Variants in IL31RA observed in about 807,000 individuals in gnomAD.
IL31RA encodes the protein interleukin-31 receptor subunit alpha.
In IL31RA, 66 loss-of-function variants were observed where a neutral mutation model predicts 83.7. The observed-to-expected ratio is 0.79, with a 90% CI of 0.65 to 0.97. The LOEUF (loss-of-function observed/expected upper bound fraction) is 0.97. IL31RA is among the 50% of genes least tolerant of loss of function. IL31RA has a pLI of 0.00. For synonymous variants in IL31RA, 325 were observed against 329.0 expected (o/e 0.99, Z 0.13); for missense variants, 798 against 919.4 (o/e 0.87, Z 1.71).
intron 1 of IL31RA, among the ~76,000 whole-genome samples, chr5:55,857,568 C>T (rs1019237027): frequency 1.4e-4 from 21 of 152,112 alleles, no homozygotes; most frequent in Non-Finnish European, 2.8e-4. Context: ...ATGCTCTTTG[C>T]GCTCATTTCA....
At chr5:55,880,653 C>A (rs1443299801) in intron 4 of IL31RA, among the ~76,000 whole-genome samples, 1 of 152,098 alleles carries the variant, frequency 6.6e-6, no homozygotes, top group Non-Finnish European at 1.5e-5. Context: ...CATGGTCATG[C>A]CCTTTTACCC....
chr5:55,848,515 G>A (rs573733511), upstream of IL31RA, among the ~76,000 whole-genome samples: 74 of 152,132 alleles, frequency 4.9e-4, no homozygotes, highest in Non-Finnish European at 9.0e-4. Context: ...GGCACATTTT[G>A]TATTTTCGTT....
At chr5:55,872,239 A>C (rs1397115224) in intron 3 of IL31RA, 31 bp from the exon 4 acceptor site, 3 of 1,522,846 alleles carry the variant, frequency 2.0e-6, no homozygotes, top group Non-Finnish European at 2.7e-6. Flanking sequence ...CATTGTACTA[A>C]ACTCATGTTG....
intron 4 of IL31RA, among the ~76,000 whole-genome samples, chr5:55,879,495 C>T (rs1365442269): frequency 3.3e-5 from 4 of 119,496 alleles, no homozygotes; most frequent in Non-Finnish European, 4.8e-5. Flanking sequence ...TGCTGTGGCG[C>T]GATCTTGGCT....
intron 2 of IL31RA, among the ~76,000 whole-genome samples, chr5:55,865,103 C>A (rs1471353495): frequency 1.3e-5 from 2 of 152,164 alleles, no homozygotes; most frequent in Non-Finnish European, 2.9e-5. Context: ...TTGCTGACCC[C>A]AAAAGTCCTC....
chr5:55,858,003 C>G (rs544820951), intron 1 of IL31RA, among the ~76,000 whole-genome samples: 2 of 151,972 alleles, frequency 1.3e-5, no homozygotes, highest in East Asian at 3.9e-4. Flanking sequence ...CCAGTTTTGT[C>G]TCTGGGATGA....
intron 1 of IL31RA, chr5:55,853,407 G>T (rs10940486): frequency 0.074 from 104,038 of 1,408,122 alleles, 6,894 homozygotes; most frequent in African/African-American, 0.35. Flanking sequence ...AGAAAAGCTC[G>T]CAGACAATCA....
chr5:55,869,838 C>T (rs902559247), intron 3 of IL31RA, among the ~76,000 whole-genome samples: 26 of 152,192 alleles, frequency 1.7e-4, no homozygotes, highest in African/African-American at 6.3e-4. Flanking sequence ...TAAGGGGGCC[C>T]ATGTTGGGAA....
chr5:55,878,812 G>C (rs192460572), intron 4 of IL31RA, among the ~76,000 whole-genome samples: 1 of 151,958 alleles, frequency 6.6e-6, no homozygotes, highest in East Asian at 1.9e-4. Context: ...CACCACACCT[G>C]GCTACTTTTT....
chr5:55,872,285 A>G lies in IL31RA; in HGVS notation c.288A>G (p.Lys96=). The G allele has an allele frequency of 1.2e-6, 2 of 1,613,140 alleles. No homozygotes were observed. The highest frequency in any genetic ancestry group is 1.7e-6 in the Non-Finnish European group (2 of 1,179,380). Residue 96 remains lysine, a synonymous_variant, in exon 4 of 15, where the codon AAA becomes AAG. Coordinates refer to ENST00000652347, the MANE Select transcript of IL31RA (RefSeq NM_139017.7). The part of the protein sequence containing the change: ...TVKRTYAFGE[K]HDNCTTNSST... Reference sequence around the variant, plus strand: ...TCTTTCAAAGCGCTTTTGGAGAAAAACATGATAATTGTACAACCAATAGTT... The same window carrying G: ...TCTTTCAAAGCGCTTTTGGAGAAAAGCATGATAATTGTACAACCAATAGTT...
intron 4 of IL31RA, among the ~76,000 whole-genome samples, chr5:55,873,942 T>C (rs985048390): frequency 6.6e-6 from 1 of 152,146 alleles, no homozygotes; most frequent in Non-Finnish European, 1.5e-5. Flanking sequence ...TTAGGTGTCA[T>C]ATCTAAGAAA....
chr5:55,910,925 A>T (rs1041536144), intron 12 of IL31RA, among the ~76,000 whole-genome samples: 10 of 152,174 alleles, frequency 6.6e-5, no homozygotes, highest in Non-Finnish European at 1.5e-4. Context: ...GCCACAAATC[A>T]TCTGGAGGAG....
At chr5:55,846,295 G>T in the IL31RA span, among the ~76,000 whole-genome samples, 1 of 152,168 alleles carries the variant, frequency 6.6e-6, no homozygotes, top group East Asian at 1.9e-4. Context: ...CCAGAACCTG[G>T]AAGTCCCAGC....
the IL31RA span, among the ~76,000 whole-genome samples, chr5:55,845,175 G>A: frequency 6.6e-6 from 1 of 152,084 alleles, no homozygotes; most frequent in Non-Finnish European, 1.5e-5. Context: ...ATAACATTTT[G>A]TTGAAAGGTG....
rs375190009 is a variant in IL31RA, at chr5:55,913,459, G to A, written c.1643-18G>A. The A allele has an allele frequency of 1.2e-5, 18 of 1,558,840 alleles. No individual in the cohort carries two copies. The African/African-American group carries it at 1.8e-4, about 15-fold the overall frequency. On this transcript the variant is annotated intron_variant, in intron 12 of 14. Transcript: ENST00000652347. ...GGTGAGGAACTCACTACTGACTTTT[G>A]TTCTTTGTTTTTCAAAGGTGTCTTT...
In IL31RA at chr5:55,899,988, A is replaced by G; in HGVS notation, c.925A>G (p.Asn309Asp). ...NIWYYPESNT[N>D]LTETMNTTNQ... is the part of the protein sequence containing the mutation. ...ATGGTACTATCCAGAAAGCAACACT[A>G]ACCTCACAGAAACAATGAACACTAC... The change falls in exon 8 of 15, where the codon AAC becomes GAC. Residue 309 changes from asparagine (N) to aspartate (D), a missense_variant. Coordinates refer to ENST00000652347, the MANE Select transcript of IL31RA (RefSeq NM_139017.7). 6.2e-7 allele frequency: 1 copy of G among 1,614,126 alleles called. No homozygotes were observed. The highest frequency in any genetic ancestry group is 8.5e-7 in the Non-Finnish European group (1 of 1,179,956).
chr5:55,902,788 A>T (rs556220248), intron 8 of IL31RA, among the ~76,000 whole-genome samples: 5 of 152,368 alleles, frequency 3.3e-5, no homozygotes, highest in Middle Eastern at 3.4e-3. Flanking sequence ...GTCTACTAGT[A>T]TGTGTCAGGA....
At position 55,851,393 on chromosome 5, in the gene IL31RA, C is replaced by G. The variant is rs1745057361; in HGVS notation, c.-178C>G. ...CTGCTTAGGAACACCAGACAGCACTCCAGCACTCTGCTTGGGGGGCATTCG... is the reference window on the plus strand; with the variant it reads ...CTGCTTAGGAACACCAGACAGCACTGCAGCACTCTGCTTGGGGGGCATTCG... On this transcript the variant is annotated 5_prime_UTR_variant, in exon 1 of 15. Coordinates refer to ENST00000652347, the MANE Select transcript of IL31RA (RefSeq NM_139017.7). 17 of 1,070,216 alleles carry G rather than the reference C, an allele frequency of 1.6e-5. No homozygotes were observed. Among genetic ancestry groups the G allele is most frequent in the Non-Finnish European group, 2.2e-5 (16 of 730,296 alleles). The allele number at this position is 1,070,216 out of a possible 1,614,324, so 66.3% of individuals were successfully genotyped here.
rs1750102609 is a variant in IL31RA at position 55,921,856 on chromosome 5, C to T, written c.*4736C>T. 6.6e-6 allele frequency among the ~76,000 whole-genome samples: 1 copy of T among 152,168 alleles called. No individual in the cohort carries two copies. Among genetic ancestry groups the T allele is most frequent in the African/African-American group, 2.4e-5 (1 of 41,440 alleles). On this transcript the variant is annotated 3_prime_UTR_variant, in exon 15 of 15. Coordinates refer to ENST00000652347, the MANE Select transcript of IL31RA (RefSeq NM_139017.7). The stretch of plus-strand genomic sequence containing the variant: ...TGAGTTGCTAGAAATAAGAGGGACT[C>T]AGTAGGCCCTTAGCACAGCGGGTGG...
Sources: allele counts gnomAD v4.1 joint callset (sites outside exome capture counted in the v4.1 genomes callset), GRCh38; gene constraint gnomAD v4.1.1; transcripts MANE v1.5; gene names NCBI Gene and HGNC (gene_info 2026-07-23, HGNC 2026-07-21).